The following ADAMTSL1 variants were observed in gnomAD, a reference collection of about 807,000 sequenced individuals.
ADAMTSL1 encodes ADAMTS like 1, also known as ADAMTS-like protein 1.
ADAMTSL1 carries 126 observed loss-of-function variants against 201.8 expected under a neutral mutation model. The ratio of observed to expected loss-of-function variants is 0.62; its 90% CI spans 0.54 to 0.72. The LOEUF (loss-of-function observed/expected upper bound fraction) is 0.72. Among genes scored for constraint, ADAMTSL1 ranks in the 30% least tolerant of loss-of-function variants. The probability of loss-of-function intolerance (pLI) is 0.00; values close to 1 mark genes in which losing one functional copy is unlikely to be tolerated. For missense variants in ADAMTSL1, 2,679 were observed against 2,277.8 expected (o/e 1.18, Z -3.59); for synonymous variants, 1,121 against 903.4 (o/e 1.24, Z -4.32).
At chr9:18,087,111 T>C in intron 1 of ADAMTSL1, among the ~76,000 whole-genome samples, 1 of 152,204 alleles carries the variant, frequency 6.6e-6, no homozygotes, top group East Asian at 1.9e-4. Flanking sequence ...GCTACTGTGT[T>C]GTATTAACTT....
chr9:18,368,257 T>A (rs1189256499), intron 2 of ADAMTSL1, among the ~76,000 whole-genome samples: 1 of 152,014 alleles, frequency 6.6e-6, no homozygotes, highest in Non-Finnish European at 1.5e-5. Flanking sequence ...TCTGGCCTCA[T>A]CAATATGAAA....
At chr9:18,056,830 A>C (rs981810345) in intron 1 of ADAMTSL1, among the ~76,000 whole-genome samples, 11 of 152,230 alleles carry the variant, frequency 7.2e-5, no homozygotes, top group African/African-American at 2.6e-4. Flanking sequence ...CTCTCCCTGC[A>C]GTGCCCTTCA....
chr9:18,379,555 T>G (rs994521851), intron 2 of ADAMTSL1, among the ~76,000 whole-genome samples: 2 of 152,178 alleles, frequency 1.3e-5, no homozygotes, highest in African/African-American at 4.8e-5. Context: ...CTAAATTTGT[T>G]GTTGTTTTGT....
At chr9:18,696,742 G>A (rs1831574557) in intron 13 of ADAMTSL1, among the ~76,000 whole-genome samples, 1 of 151,982 alleles carries the variant, frequency 6.6e-6, no homozygotes, top group South Asian at 2.1e-4. Flanking sequence ...TGTGGCCTTA[G>A]AAATCATTGT....
chr9:18,174,087 A>G (rs982416039), intron 2 of ADAMTSL1, among the ~76,000 whole-genome samples: 3 of 152,206 alleles, frequency 2.0e-5, no homozygotes, highest in African/African-American at 7.2e-5. Flanking sequence ...CTTAATAAGC[A>G]TAAACATAAG....
intron 2 of ADAMTSL1, among the ~76,000 whole-genome samples, chr9:18,413,146 ATTT>A (rs11367468): frequency 0.5 from 66,130 of 132,434 alleles, 15,924 homozygotes; most frequent in East Asian, 0.84. Context: ...TCTAAGGATA[ATTT>A]TTTTTTTTTT....
At chr9:18,752,793 G>A (rs1438135989) in intron 15 of ADAMTSL1, among the ~76,000 whole-genome samples, 2 of 152,178 alleles carry the variant, frequency 1.3e-5, no homozygotes, top group Non-Finnish European at 2.9e-5. Flanking sequence ...AGACAGAGAC[G>A]TTTCTATGCA....
At chr9:18,104,675 C>G (rs541188851) in intron 1 of ADAMTSL1, among the ~76,000 whole-genome samples, 1 of 152,230 alleles carries the variant, frequency 6.6e-6, no homozygotes, top group East Asian at 1.9e-4. Context: ...CACTAAAAGC[C>G]CAGACTTCAC....
chr9:18,473,052 T>A (rs1477169235), upstream of ADAMTSL1, among the ~76,000 whole-genome samples: 1 of 152,228 alleles, frequency 6.6e-6, no homozygotes, highest in African/African-American at 2.4e-5. Flanking sequence ...GTCATTTCAC[T>A]GCTCATTAGC....
intron 2 of ADAMTSL1, among the ~76,000 whole-genome samples, chr9:18,443,383 C>A (rs913108883): frequency 6.6e-6 from 1 of 152,162 alleles, no homozygotes; most frequent in Non-Finnish European, 1.5e-5. Flanking sequence ...ATAATGAATA[C>A]CATTGCTTAC....
intron 2 of ADAMTSL1, among the ~76,000 whole-genome samples, chr9:18,184,053 G>T (rs2026903): frequency 0.97 from 148,240 of 152,276 alleles, 72,306 homozygotes; most frequent in East Asian, 1. Flanking sequence ...GGAGAGATTA[G>T]TTCATCATCC....
At chr9:18,134,297 C>A (rs1826068732) in intron 1 of ADAMTSL1, among the ~76,000 whole-genome samples, 1 of 152,138 alleles carries the variant, frequency 6.6e-6, no homozygotes, top group Non-Finnish European at 1.5e-5. Flanking sequence ...TGAACTTCTG[C>A]AGAGGCAAGT....
At chr9:18,216,461 T>C (rs894631737) in intron 2 of ADAMTSL1, among the ~76,000 whole-genome samples, 1 of 152,106 alleles carries the variant, frequency 6.6e-6, no homozygotes, top group African/African-American at 2.4e-5. Context: ...AGATGAAAGA[T>C]TATTGACAGG....
intron 2 of ADAMTSL1, among the ~76,000 whole-genome samples, chr9:18,214,799 A>G (rs983715820): frequency 2.6e-5 from 4 of 152,212 alleles, no homozygotes; most frequent in African/African-American, 9.6e-5. Context: ...TTTACTACCT[A>G]GAAAGAAACT....
chr9:18,401,681 C>G (rs1238862386), intron 2 of ADAMTSL1, among the ~76,000 whole-genome samples: 1 of 152,104 alleles, frequency 6.6e-6, no homozygotes, highest in African/African-American at 2.4e-5. Context: ...TGCTTCTTGC[C>G]TTCTTTTTTT....
chr9:18,707,414 G>A (rs1189385842), intron 14 of ADAMTSL1, among the ~76,000 whole-genome samples: 2 of 152,196 alleles, frequency 1.3e-5, no homozygotes, highest in African/African-American at 2.4e-5. Flanking sequence ...CATGCAATGT[G>A]AACCAAGACC....
intron 2 of ADAMTSL1, among the ~76,000 whole-genome samples, chr9:18,464,390 A>T (rs753381405): frequency 3.9e-5 from 6 of 152,252 alleles, no homozygotes; most frequent in Non-Finnish European, 8.8e-5. Flanking sequence ...TTGTTACACA[A>T]ATTATACTAT....
chr9:18,733,445 A>T (rs1049834719), intron 15 of ADAMTSL1, among the ~76,000 whole-genome samples: 1 of 152,118 alleles, frequency 6.6e-6, no homozygotes. Context: ...AATGTCTTCA[A>T]CCCCACCACT....
chr9:18,196,716 C>G (rs4430175), intron 2 of ADAMTSL1, among the ~76,000 whole-genome samples: 1 of 152,108 alleles, frequency 6.6e-6, no homozygotes, highest in African/African-American at 2.4e-5. Context: ...CCGTGAATCT[C>G]TCCATTCTCA....
Sources: gnomAD v4.1 joint callset for allele counts (sites outside exome capture counted in the v4.1 genomes callset) on GRCh38, gnomAD v4.1.1 for gene constraint, MANE v1.5 for transcripts, NCBI Gene and HGNC (gene_info 2026-07-23, HGNC 2026-07-21) for gene names.